CFAP20DC: variants seen among roughly 807,000 people sequenced by gnomAD.
CFAP20DC encodes the protein protein CFAP20DC.
CFAP20DC carries 84 observed loss-of-function variants against 101.7 expected under a neutral mutation model. The ratio of observed to expected loss-of-function variants is 0.83; its 90% CI spans 0.69 to 0.99. CFAP20DC has a LOEUF of 0.99. Ranked by LOEUF, CFAP20DC falls within the 50% of genes least tolerant of loss-of-function variation. The pLI, the probability that CFAP20DC is intolerant of heterozygous loss-of-function variation, is 0.00. For synonymous variants in CFAP20DC, 359 were observed against 351.2 expected (o/e 1.02, Z -0.25); for missense variants, 1,007 against 970.3 (o/e 1.04, Z -0.50).
At chr3:58,787,033 G>A (rs2072405987) in intron 15 of CFAP20DC, among the ~76,000 whole-genome samples, 2 of 151,076 alleles carry the variant, frequency 1.3e-5, no homozygotes, top group African/African-American at 4.9e-5. Context: ...GATAAGGGGG[G>A]GCATTACTGT....
intron 4 of CFAP20DC, among the ~76,000 whole-genome samples, chr3:58,968,015 T>C (rs1045044572): frequency 2.0e-5 from 3 of 152,236 alleles, no homozygotes; most frequent in African/African-American, 7.2e-5. Flanking sequence ...TCCAGCTCCA[T>C]CCATATTCCT....
At chr3:58,744,048 T>G (rs34435578) in intron 16 of CFAP20DC, among the ~76,000 whole-genome samples, 81,308 of 152,088 alleles carry the variant, frequency 0.53, 23,637 homozygotes, top group South Asian at 0.66. Context: ...GTGAGTTGAG[T>G]GCAGTGCTAG....
rs1051514836 is a variant in CFAP20DC, at chr3:58,724,992, C to G, written c.198-7364G>C. Among the ~76,000 whole-genome samples, 10 of 152,124 alleles carry G rather than the reference C, an allele frequency of 6.6e-5. No individual in the cohort carries two copies. The highest frequency in any genetic ancestry group is 1.9e-4 in the African/African-American group (8 of 41,410). ...GCTATTATTACTTTGGAGGGGACCA[C>G]CGAACCAGTAAACATTTGGGTTATG... is the stretch of plus-strand genomic sequence containing the variant. On this transcript the variant is annotated intron_variant, in intron 3 of 3. Transcript: ENST00000486145. The surrounding 1 kb of genome is among the most constrained non-coding windows in gnomAD (Gnocchi z 5.6).
At chr3:59,018,563 G>C (rs1014528709) in intron 4 of CFAP20DC, 2 of 152,048 alleles carry the variant, frequency 1.3e-5, no homozygotes, top group Non-Finnish European at 2.9e-5. Flanking sequence ...TGCATAACAT[G>C]AATCTAATCC....
chr3:58,921,651 A>G (rs1459626083), intron 5 of CFAP20DC, among the ~76,000 whole-genome samples: 1 of 152,162 alleles, frequency 6.6e-6, no homozygotes, highest in Non-Finnish European at 1.5e-5. Context: ...CTAACATATC[A>G]TATATTTTGG....
At chr3:58,812,506 G>A (rs990952345) in intron 14 of CFAP20DC, among the ~76,000 whole-genome samples, 4 of 151,444 alleles carry the variant, frequency 2.6e-5, no homozygotes, top group Non-Finnish European at 5.9e-5. Context: ...AATGAACAAT[G>A]AGAACACATG....
In CFAP20DC at chr3:58,971,535, C is replaced by G. The variant is rs546728477; in HGVS notation, c.279-33773G>C. Among the ~76,000 whole-genome samples, 5 of 152,050 alleles carry G rather than the reference C, an allele frequency of 3.3e-5. No individual in the cohort carries two copies. The South Asian group carries it at 1.0e-3, about 32-fold the overall frequency. On this transcript the variant is annotated intron_variant, in intron 4 of 16. Coordinates refer to ENST00000482387, the MANE Select transcript of CFAP20DC (RefSeq NM_001394063.1). The surrounding 1 kb of genome is among the most constrained non-coding windows in gnomAD (Gnocchi z 4.1). ...ATATACATTCTCTTTTTCATTTTTA[C>G]ACGAAAATCTCACACATATTTAAAT... is the stretch of plus-strand genomic sequence containing the variant.
intron 14 of CFAP20DC, among the ~76,000 whole-genome samples, chr3:58,808,923 T>C (rs1194251174): frequency 1.3e-5 from 2 of 151,986 alleles, no homozygotes; most frequent in African/African-American, 4.8e-5. Flanking sequence ...TCCTAGTCTC[T>C]GACAAAACAG....
chr3:58,805,189 T>G (rs998258518), intron 15 of CFAP20DC, among the ~76,000 whole-genome samples: 12 of 152,322 alleles, frequency 7.9e-5, no homozygotes, highest in Admixed American at 2.6e-4. Flanking sequence ...TGTTAGCCTC[T>G]ACATGTATAT....
chr3:58,826,429 C>G (rs2076044837), intron 14 of CFAP20DC, among the ~76,000 whole-genome samples: 1 of 152,094 alleles, frequency 6.6e-6, no homozygotes, highest in Admixed American at 6.6e-5. Flanking sequence ...TTAGGTATTT[C>G]TCCTAATGCT....
At chr3:58,936,560 G>A (rs1234051208) in intron 5 of CFAP20DC, among the ~76,000 whole-genome samples, 5 of 152,202 alleles carry the variant, frequency 3.3e-5, no homozygotes, top group Non-Finnish European at 7.3e-5. Flanking sequence ...TTAAAAAAAT[G>A]TGGCACATAT....
At chr3:58,781,960 T>C (rs1386431139) in intron 15 of CFAP20DC, among the ~76,000 whole-genome samples, 1 of 151,784 alleles carries the variant, frequency 6.6e-6, no homozygotes, top group Non-Finnish European at 1.5e-5. Context: ...AATCAGACAA[T>C]GACACAACAA....
chr3:58,893,431 A>C (rs1425556375), intron 6 of CFAP20DC, among the ~76,000 whole-genome samples: 1 of 152,184 alleles, frequency 6.6e-6, no homozygotes, highest in African/African-American at 2.4e-5. Context: ...GTATGTGATG[A>C]ATGACATTTA....
At chr3:58,806,908 G>A (rs557293017) in intron 14 of CFAP20DC, among the ~76,000 whole-genome samples, 1 of 152,126 alleles carries the variant, frequency 6.6e-6, no homozygotes, top group South Asian at 2.1e-4. Flanking sequence ...GGCGCACCAG[G>A]AGATTATATC....
chr3:58,826,007 G>C (rs1207322715), intron 14 of CFAP20DC, among the ~76,000 whole-genome samples: 2 of 152,156 alleles, frequency 1.3e-5, no homozygotes, highest in African/African-American at 4.8e-5. Flanking sequence ...TAAACACAAA[G>C]GATTTTGCTA....
chr3:58,732,480 A>G lies in CFAP20DC; in HGVS notation c.198-14852T>C, dbSNP rs890286610. Among the ~76,000 whole-genome samples, 1 of 152,186 alleles carries G rather than the reference A, an allele frequency of 6.6e-6. No homozygotes were observed. The highest frequency in any genetic ancestry group is 1.5e-5 in the Non-Finnish European group (1 of 68,028). On this transcript the variant is annotated intron_variant, in intron 3 of 3. Coordinates refer to the CFAP20DC transcript ENST00000486145. The surrounding 1 kb of genome is among the most constrained non-coding windows in gnomAD (Gnocchi z 5.4). Reference sequence around the variant, plus strand: ...AGAGATGCTTTCACTGACCTTTATCATTTCACGTGGATGAAATTATAACTT... The same window carrying G: ...AGAGATGCTTTCACTGACCTTTATCGTTTCACGTGGATGAAATTATAACTT...
intron 14 of CFAP20DC, among the ~76,000 whole-genome samples, chr3:58,823,697 C>T (rs1387767015): frequency 3.9e-5 from 6 of 151,904 alleles, no homozygotes; most frequent in East Asian, 1.9e-4. Flanking sequence ...TATTCCAGCT[C>T]GAGAGTGCAT....
intron 4 of CFAP20DC, among the ~76,000 whole-genome samples, chr3:58,946,717 A>G (rs2089418666): frequency 6.6e-6 from 1 of 152,194 alleles, no homozygotes; most frequent in Non-Finnish European, 1.5e-5. Context: ...CCGAATTGGT[A>G]CAAGAGGAAG....
chr3:58,792,502 GTC>G (rs1195555069), intron 15 of CFAP20DC, among the ~76,000 whole-genome samples: 1 of 152,022 alleles, frequency 6.6e-6, no homozygotes, highest in Non-Finnish European at 1.5e-5. Context: ...GGCAAGGCAA[GTC>G]CATCACTGTC....
Sources: gnomAD v4.1 joint callset for allele counts (sites outside exome capture counted in the v4.1 genomes callset) on GRCh38, gnomAD v4.1.1 for gene constraint, Gnocchi (gnomAD v3.1) non-coding constraint, MANE v1.5 for transcripts, NCBI Gene and HGNC (gene_info 2026-07-23, HGNC 2026-07-21) for gene names.